The following ING5 variants were observed in gnomAD, a reference collection of about 807,000 sequenced individuals.
The protein encoded by ING5 is inhibitor of growth protein 5.
In ING5, 17 loss-of-function variants were observed where a neutral mutation model predicts 37.4. The ratio of observed to expected loss-of-function variants is 0.45; its 90% CI spans 0.31 to 0.68. ING5 has a LOEUF of 0.68. ING5 is among the 30% of genes least tolerant of loss of function. ING5 has a pLI of 0.05. For synonymous variants in ING5, 123 were observed against 116.6 expected (o/e 1.06, Z -0.36); for missense variants, 233 against 311.9 (o/e 0.75, Z 1.91).
chr2:241,693,680 C>T (rs1413960611), intron 2 of ING5, among the ~76,000 whole-genome samples: 10 of 73,980 alleles, frequency 1.4e-4, no homozygotes, highest in Non-Finnish European at 2.7e-4. Flanking sequence ...TTTTTTGAGA[C>T]TGAGTCTTGC....
Position 241,728,967 on chromosome 2 carries a change from G to C in ING5, c.*3936G>C, listed in dbSNP as rs554213982. On this transcript the variant is annotated 3_prime_UTR_variant, in exon 8 of 8. Coordinates refer to ENST00000313552, the MANE Select transcript of ING5 (RefSeq NM_032329.6). The stretch of plus-strand genomic sequence containing the variant: ...CTCCTGTCCTGTCGTTGGGAGCCCT[G>C]GCTGGGGCTGCTTTGAGCAATGACG... The C allele has an allele frequency of 6.6e-6, 1 of 152,366 alleles. No individual in the cohort carries two copies. The highest frequency in any genetic ancestry group is 1.9e-4 in the East Asian group (1 of 5,186). 9.4% of individuals were successfully genotyped at this position (152,366 alleles called of 1,614,324 possible). A position where few individuals can be genotyped will look rare whatever the true frequency, so the allele number is the denominator to read the frequency against.
chr2:241,692,054 T>TA (rs1287594703), intron 2 of ING5, among the ~76,000 whole-genome samples: 2 of 151,840 alleles, frequency 1.3e-5, no homozygotes, highest in Admixed American at 6.6e-5. Context: ...TCTCAATTTT[T>TA]AAAAAAATAT....
Position 241,704,189 on chromosome 2 carries a change from C to G in ING5, c.38-464C>G, listed in dbSNP as rs147177779. On this transcript the variant is annotated intron_variant, in intron 1 of 7. Coordinates refer to ENST00000313552, the MANE Select transcript of ING5 (RefSeq NM_032329.6). ...AGCCTCTTGTCAGCACTGTTTGGTA[C>G]CTGCATCTAAAAATGAGATCACAGT... is the stretch of plus-strand genomic sequence containing the variant. 5.7e-3 allele frequency among the ~76,000 whole-genome samples: 875 copies of G among 152,262 alleles called. 3 individuals carry two copies. Among genetic ancestry groups the G allele is most frequent in the Middle Eastern group, 0.014 (4 of 294 alleles).
intron 7 of ING5, among the ~76,000 whole-genome samples, chr2:241,724,371 T>C (rs529818223): frequency 2.3e-4 from 35 of 152,272 alleles, no homozygotes; most frequent in Admixed American, 2.6e-4. Flanking sequence ...GTACGGAGGC[T>C]GTTAGGGCGG....
At chr2:241,713,195 T>G (rs745545766) in intron 5 of ING5, among the ~76,000 whole-genome samples, 14 of 151,058 alleles carry the variant, frequency 9.3e-5, no homozygotes, top group Non-Finnish European at 1.9e-4. Flanking sequence ...TAGCTGCAAC[T>G]ACAAGTGCGC....
chr2:241,708,770 T>G (rs548308091), intron 2 of ING5, among the ~76,000 whole-genome samples: 1 of 152,168 alleles, frequency 6.6e-6, no homozygotes, highest in East Asian at 1.9e-4. Context: ...TGTTTTCTGC[T>G]CTTATGAATG....
exon 1 of ING5, chr2:241,687,998 C>G (rs954392193): frequency 6.6e-6 from 1 of 152,206 alleles, no homozygotes; most frequent in African/African-American, 2.4e-5. Context: ...TCCCCGGTAT[C>G]TAGAAAGCGC....
At chr2:241,699,485 ACTGC>A (rs2069681655), upstream of ING5, among the ~76,000 whole-genome samples, 1 of 152,138 alleles carries the variant, frequency 6.6e-6, no homozygotes, top group South Asian at 2.1e-4. Context: ...ATCATGGCTC[ACTGC>A]AGCCTAGACC....
upstream of ING5, among the ~76,000 whole-genome samples, chr2:241,701,487 G>T (rs2069724171): frequency 6.6e-6 from 1 of 152,166 alleles, no homozygotes; most frequent in African/African-American, 2.4e-5. Flanking sequence ...GGGCGCCAGG[G>T]CCCAGGCCCT....
chr2:241,724,940 C>T (rs184891542), intron 7 of ING5, 49 bp from the exon 8 acceptor site: 51 of 1,599,120 alleles, frequency 3.2e-5, no homozygotes, highest in Non-Finnish European at 3.8e-5. Context: ...GCACCCTGCG[C>T]GCTGGCGGAA....
chr2:241,717,361 G>A (rs777476424), intron 5 of ING5, among the ~76,000 whole-genome samples: 8 of 152,052 alleles, frequency 5.3e-5, no homozygotes, highest in Middle Eastern at 3.2e-3. Flanking sequence ...ATGAGCCACC[G>A]CGCCTGGCCC....
chr2:241,690,427 T>C (rs2069532386), exon 2 of ING5: 1 of 392,116 alleles, frequency 2.6e-6, no homozygotes, highest in Admixed American at 4.4e-5. Flanking sequence ...GACATCAGGT[T>C]GGTCCACATC....
intron 2 of ING5, among the ~76,000 whole-genome samples, chr2:241,692,229 A>G (rs925636941): frequency 1.3e-5 from 2 of 152,174 alleles, no homozygotes; most frequent in Non-Finnish European, 2.9e-5. Context: ...ATAAGATTAC[A>G]GTTACCCTTA....
chr2:241,719,275 GC>G (rs2070364809), intron 5 of ING5, among the ~76,000 whole-genome samples: 2 of 152,220 alleles, frequency 1.3e-5, no homozygotes, highest in African/African-American at 4.8e-5. Context: ...TGGGGACGCG[GC>G]CGCCATGTGT....
intron 3 of ING5, among the ~76,000 whole-genome samples, chr2:241,711,004 C>T (rs1306183173): frequency 1.3e-5 from 2 of 152,206 alleles, no homozygotes; most frequent in African/African-American, 2.4e-5. Context: ...CTGCCTCGAC[C>T]TCCCAAAGTG....
At chr2:241,701,944 C>T, upstream of ING5, 3 of 514,520 alleles carry the variant, frequency 5.8e-6, no homozygotes, top group East Asian at 8.3e-5. Context: ...TCCGACCCCG[C>T]CCCCGGGCGC....
intron 5 of ING5, chr2:241,721,945 C>T: frequency 1.4e-5 from 14 of 985,776 alleles, no homozygotes; most frequent in South Asian, 9.4e-5. Context: ...TAGAAACCCA[C>T]GTGGGAGCTG....
At chr2:241,699,216 G>C (rs2069678087), upstream of ING5, among the ~76,000 whole-genome samples, 1 of 149,474 alleles carries the variant, frequency 6.7e-6, no homozygotes, top group Admixed American at 6.8e-5. Flanking sequence ...GTAGAGACTG[G>C]GTTTCTCCAT....
chr2:241,709,143 T>C (rs1343831371), intron 2 of ING5, 73 bp from the exon 3 acceptor site: 2 of 1,490,100 alleles, frequency 1.3e-6, no homozygotes, highest in Non-Finnish European at 1.8e-6. Context: ...TGGCTGACTT[T>C]AGTTGTTGCC....
Sources: gnomAD v4.1 joint callset for allele counts (sites outside exome capture counted in the v4.1 genomes callset) on GRCh38, gnomAD v4.1.1 for gene constraint, MANE v1.5 for transcripts, NCBI Gene and HGNC (gene_info 2026-07-23, HGNC 2026-07-21) for gene names.